The following CTNNA3 variants were observed in gnomAD, a reference collection of about 807,000 sequenced individuals.
CTNNA3 encodes catenin alpha 3.
Under a neutral mutation model 95.7 loss-of-function variants are expected in CTNNA3, and 76 were observed. That is an observed-to-expected ratio of 0.79 (90% CI 0.66 to 0.96). The LOEUF is 0.96. Ranked by LOEUF, CTNNA3 falls within the 40% of genes least tolerant of loss-of-function variation. The pLI is 0.00. For missense variants in CTNNA3, 1,191 were observed against 1,089.8 expected (o/e 1.09, Z -1.31); for synonymous variants, 431 against 374.4 (o/e 1.15, Z -1.74).
intron 13 of CTNNA3, among the ~76,000 whole-genome samples, chr10:66,273,798 A>G (rs1290947829): frequency 3.3e-5 from 5 of 152,158 alleles, no homozygotes; most frequent in Non-Finnish European, 7.3e-5. Context: ...TGATCCAGAA[A>G]AGAAAGGGTG....
chr10:65,971,020 A>G (rs2133270325), intron 16 of CTNNA3, among the ~76,000 whole-genome samples: 1 of 151,404 alleles, frequency 6.6e-6, no homozygotes, highest in South Asian at 2.1e-4. Flanking sequence ...AGCTAGTCTC[A>G]GTATCTTCAT....
intron 12 of CTNNA3, among the ~76,000 whole-genome samples, chr10:66,281,839 C>T (rs2091497649): frequency 1.3e-5 from 2 of 151,620 alleles, no homozygotes; most frequent in Admixed American, 1.3e-4. Context: ...CCTCTAGCTG[C>T]CAAAATGTAT....
chr10:66,525,925 T>C (rs889669185), intron 10 of CTNNA3, among the ~76,000 whole-genome samples: 11 of 152,188 alleles, frequency 7.2e-5, no homozygotes, highest in Non-Finnish European at 1.5e-4. Context: ...GTGTCTGGCT[T>C]ATTTCCCTTA....
chr10:66,457,742 T>C (rs1460284805), intron 11 of CTNNA3, among the ~76,000 whole-genome samples: 1 of 151,794 alleles, frequency 6.6e-6, no homozygotes, highest in Non-Finnish European at 1.5e-5. Flanking sequence ...AGGATGACAC[T>C]GAAACAAAAA....
intron 13 of CTNNA3, among the ~76,000 whole-genome samples, chr10:66,213,726 C>T (rs994088416): frequency 6.6e-5 from 10 of 152,056 alleles, no homozygotes; most frequent in African/African-American, 1.2e-4. Context: ...CTAGTGCCTA[C>T]GATTGTAAGA....
At chr10:66,104,157 T>A (rs2081783601) in intron 13 of CTNNA3, among the ~76,000 whole-genome samples, 1 of 152,160 alleles carries the variant, frequency 6.6e-6, no homozygotes, top group Admixed American at 6.5e-5. Flanking sequence ...TTCCATTCCT[T>A]CTTTCAATTT....
At chr10:66,414,959 C>T (rs548781182) in intron 11 of CTNNA3, among the ~76,000 whole-genome samples, 3 of 152,222 alleles carry the variant, frequency 2.0e-5, no homozygotes, top group African/African-American at 7.2e-5. Flanking sequence ...CTTCTCCACC[C>T]AAGGCTGAGC....
chr10:67,023,084 T>G (rs1435322962), intron 7 of CTNNA3, among the ~76,000 whole-genome samples: 2 of 152,216 alleles, frequency 1.3e-5, no homozygotes, highest in Non-Finnish European at 2.9e-5. Flanking sequence ...TTGAGCTATG[T>G]ATCTAATTCA....
At chr10:67,308,051 G>A (rs1479345587) in intron 5 of CTNNA3, among the ~76,000 whole-genome samples, 1 of 152,158 alleles carries the variant, frequency 6.6e-6, no homozygotes, top group African/African-American at 2.4e-5. Context: ...TACCCTACAT[G>A]TGTTCTCATA....
chr10:66,135,862 T>C (rs951765223), intron 13 of CTNNA3, among the ~76,000 whole-genome samples: 5 of 152,128 alleles, frequency 3.3e-5, no homozygotes, highest in African/African-American at 4.8e-5. Flanking sequence ...AAAATGCTTA[T>C]ATAATATTTA....
At chr10:65,944,892 CTATCTATCATCT>C (rs1337830287) in intron 17 of CTNNA3, among the ~76,000 whole-genome samples, 5 of 121,662 alleles carry the variant, frequency 4.1e-5, no homozygotes, top group African/African-American at 1.1e-4. Context: ...ATCTATCTAT[CTATCTATCATCT>C]ATCTATCATC....
chr10:66,189,862 T>C (rs2086577300), intron 13 of CTNNA3, among the ~76,000 whole-genome samples: 1 of 151,994 alleles, frequency 6.6e-6, no homozygotes, highest in Non-Finnish European at 1.5e-5. Flanking sequence ...GGTCTACAAA[T>C]GAGTAATTCT....
intron 12 of CTNNA3, 62 bp from the exon 13 acceptor site, chr10:66,280,683 T>C: frequency 2.3e-6 from 3 of 1,298,184 alleles, no homozygotes; most frequent in Non-Finnish European, 3.1e-6. Context: ...TATACAGTAG[T>C]TTCCAGGAAA....
At chr10:66,198,016 G>A (rs562527958) in intron 13 of CTNNA3, among the ~76,000 whole-genome samples, 1 of 152,224 alleles carries the variant, frequency 6.6e-6, no homozygotes, top group South Asian at 2.1e-4. Context: ...AAATAGGGTT[G>A]AAAATAAAGG....
At chr10:67,507,401 G>A (rs997689093) in intron 5 of CTNNA3, among the ~76,000 whole-genome samples, 1 of 151,908 alleles carries the variant, frequency 6.6e-6, no homozygotes, top group Non-Finnish European at 1.5e-5. Flanking sequence ...GGTGGCACAC[G>A]CCTGTAATCC....
intron 13 of CTNNA3, among the ~76,000 whole-genome samples, chr10:66,169,581 T>C (rs1259379406): frequency 6.6e-6 from 1 of 152,200 alleles, no homozygotes; most frequent in Non-Finnish European, 1.5e-5. Context: ...TACTTTTAGT[T>C]CTTTAAGGAA....
chr10:66,374,243 A>C (rs906086480), intron 12 of CTNNA3, among the ~76,000 whole-genome samples: 1 of 152,208 alleles, frequency 6.6e-6, no homozygotes, highest in African/African-American at 2.4e-5. Flanking sequence ...ATTATGATCA[A>C]AGGCAAAGTG....
chr10:66,747,497 T>C (rs910108701), intron 9 of CTNNA3, among the ~76,000 whole-genome samples: 32 of 152,204 alleles, frequency 2.1e-4, no homozygotes, highest in African/African-American at 7.7e-4. Flanking sequence ...CAGGTAGCTT[T>C]ATAGCTGTGA....
intron 12 of CTNNA3, among the ~76,000 whole-genome samples, chr10:66,294,968 A>T (rs2132207724): frequency 6.6e-6 from 1 of 152,252 alleles, no homozygotes; most frequent in African/African-American, 2.4e-5. Context: ...GCAATAGGCC[A>T]AATCATGCTT....
Sources: gnomAD v4.1 joint callset for allele counts (sites outside exome capture counted in the v4.1 genomes callset) on GRCh38, gnomAD v4.1.1 for gene constraint, MANE v1.5 for transcripts, NCBI Gene and HGNC (gene_info 2026-07-23, HGNC 2026-07-21) for gene names.